LUZP2: variants seen among roughly 807,000 people sequenced by gnomAD.
The protein encoded by LUZP2 is leucine zipper protein 2.
Under a neutral mutation model 51.6 loss-of-function variants are expected in LUZP2, and 52 were observed. The observed-to-expected ratio is 1.01, with a 90% confidence interval of 0.81 to 1.27. LUZP2 has a LOEUF of 1.27. Ranked by LOEUF, LUZP2 falls within the 50% of genes most tolerant of loss-of-function variation. The pLI is 0.00. For missense variants in LUZP2, 436 were observed against 395.4 expected, an observed-to-expected ratio of 1.10 and a Z score of -0.87; for synonymous variants, 154 against 137.3, an observed-to-expected ratio of 1.12 and a Z score of -0.85.
At chr11:25,030,893 A>ATATACATAATATATATTGTAT (rs1590856052) in intron 9 of LUZP2, among the ~76,000 whole-genome samples, 1 of 40,084 alleles carries the variant, frequency 2.5e-5, no homozygotes, top group Non-Finnish European at 3.8e-5. Flanking sequence ...TATATATATT[A>ATATACATAATATATATTGTAT]TATATATATA....
intron 5 of LUZP2, among the ~76,000 whole-genome samples, chr11:24,838,460 A>G (rs1233697389): frequency 6.6e-6 from 1 of 151,656 alleles, no homozygotes; most frequent in Non-Finnish European, 1.5e-5. Flanking sequence ...TTCTAAACAC[A>G]GCATTGTTTA....
chr11:25,015,494 C>T (rs2133964868), intron 9 of LUZP2, among the ~76,000 whole-genome samples: 1 of 152,286 alleles, frequency 6.6e-6, no homozygotes, highest in South Asian at 2.1e-4. Context: ...TGTCCTTAGT[C>T]TCCTCAGGTC....
At chr11:24,906,150 C>A in intron 6 of LUZP2, 97 bp downstream of exon 6, 1 of 675,738 alleles carries the variant, frequency 1.5e-6, no homozygotes, top group Non-Finnish European at 2.4e-6. Context: ...TCTTTTTCCT[C>A]CTAATACAAA....
At chr11:25,008,578 C>T (rs1856899528) in intron 9 of LUZP2, among the ~76,000 whole-genome samples, 1 of 152,168 alleles carries the variant, frequency 6.6e-6, no homozygotes, top group East Asian at 1.9e-4. Flanking sequence ...TTCCCTGTTG[C>T]TCAGCAAGTG....
chr11:24,505,296 G>A (rs895448049), intron 1 of LUZP2, among the ~76,000 whole-genome samples: 2 of 152,108 alleles, frequency 1.3e-5, no homozygotes, highest in African/African-American at 4.8e-5. Context: ...GAGTTTAGGG[G>A]AGGAATGGAG....
rs572843742 is a variant in LUZP2, at chr11:25,020,515, G to T, written c.766-29523G>T. ...ATTTGAGGAATCACTCATTCTTGCA[G>T]CACTATGCATCCTCTTATGTTTCAC... On this transcript the variant is annotated intron_variant, in intron 9 of 11. Transcript: ENST00000336930. Among the ~76,000 whole-genome samples the T allele has an allele frequency of 8.8e-4, 133 of 151,894 alleles. 2 individuals carry two copies. Among genetic ancestry groups the T allele is most frequent in the African/African-American group, 3.2e-3 (132 of 41,434 alleles).
intron 4 of LUZP2, among the ~76,000 whole-genome samples, chr11:24,746,616 G>T (rs1859388746): frequency 6.6e-6 from 1 of 152,138 alleles, no homozygotes; most frequent in African/African-American, 2.4e-5. Flanking sequence ...GGCTATGGAA[G>T]TTTTCTTCAA....
intron 1 of LUZP2, among the ~76,000 whole-genome samples, chr11:24,615,006 G>GA (rs1854240245): frequency 4.0e-5 from 6 of 151,798 alleles, no homozygotes. Context: ...CTGTCATTAA[G>GA]AAAAAAGGTT....
chr11:24,628,225 A>G (rs1169908100), intron 1 of LUZP2, among the ~76,000 whole-genome samples: 1 of 151,976 alleles, frequency 6.6e-6, no homozygotes, highest in East Asian at 1.9e-4. Flanking sequence ...ACACACACAC[A>G]CACACACACC....
chr11:24,730,699 G>A (rs1858682502), intron 2 of LUZP2, among the ~76,000 whole-genome samples: 1 of 151,748 alleles, frequency 6.6e-6, no homozygotes, highest in East Asian at 1.9e-4. Flanking sequence ...GAAAGGCCCA[G>A]ATGTGATCAG....
At chr11:24,706,658 T>C (rs548836082) in intron 1 of LUZP2, among the ~76,000 whole-genome samples, 29 of 152,280 alleles carry the variant, frequency 1.9e-4, no homozygotes, top group Non-Finnish European at 3.4e-4. Flanking sequence ...AGGTGCAAAT[T>C]GAAATCTCGT....
intron 5 of LUZP2, among the ~76,000 whole-genome samples, chr11:24,808,868 T>C (rs896878345): frequency 6.6e-6 from 1 of 152,204 alleles, no homozygotes; most frequent in Non-Finnish European, 1.5e-5. Context: ...TGACAATAGC[T>C]ATAATATAAT....
chr11:24,776,804 TTCTGCA>T (rs1848938591), intron 5 of LUZP2, among the ~76,000 whole-genome samples: 1 of 152,104 alleles, frequency 6.6e-6, no homozygotes, highest in African/African-American at 2.4e-5. Context: ...TCATCTCCAT[TTCTGCA>T]CCTGGAAGGA....
intron 7 of LUZP2, among the ~76,000 whole-genome samples, chr11:24,960,031 T>C (rs1269808367): frequency 2.6e-5 from 4 of 152,230 alleles, no homozygotes; most frequent in African/African-American, 9.6e-5. Flanking sequence ...TCTTTGGTTC[T>C]GTTGATATGC....
chr11:24,726,723 AG>A (rs1308972555), intron 1 of LUZP2, among the ~76,000 whole-genome samples: 1 of 152,146 alleles, frequency 6.6e-6, no homozygotes, highest in Admixed American at 6.5e-5. Flanking sequence ...CAAAATGGAT[AG>A]TAATATATAG....
chr11:24,622,432 A>G (rs1245192750), intron 1 of LUZP2, among the ~76,000 whole-genome samples: 1 of 152,022 alleles, frequency 6.6e-6, no homozygotes, highest in African/African-American at 2.4e-5. Flanking sequence ...CTCGAATTTC[A>G]GAGCTCAAGC....
At chr11:24,627,581 A>G (rs1414602684) in intron 1 of LUZP2, among the ~76,000 whole-genome samples, 1 of 152,228 alleles carries the variant, frequency 6.6e-6, no homozygotes, top group East Asian at 1.9e-4. Flanking sequence ...TTTACCGAGT[A>G]GAGGCAGAAC....
intron 5 of LUZP2, among the ~76,000 whole-genome samples, chr11:24,890,630 A>G (rs1271845747): frequency 2.6e-5 from 4 of 152,062 alleles, no homozygotes; most frequent in Non-Finnish European, 4.4e-5. Context: ...TGAATTCCTA[A>G]TGTGTTAGTA....
chr11:24,725,591 A>C (rs911194153), intron 1 of LUZP2, among the ~76,000 whole-genome samples: 1 of 152,138 alleles, frequency 6.6e-6, no homozygotes, highest in Non-Finnish European at 1.5e-5. Context: ...TATTTAAAAG[A>C]AATTGGAGAG....
Sources: gnomAD v4.1 joint callset for allele counts (sites outside exome capture counted in the v4.1 genomes callset) on GRCh38, gnomAD v4.1.1 for gene constraint, MANE v1.5 for transcripts, NCBI Gene and HGNC (gene_info 2026-07-23, HGNC 2026-07-21) for gene names.